Variants in ABCC4 observed in about 807,000 individuals in gnomAD.
The protein encoded by ABCC4 is ATP binding cassette subfamily C member 4 (PEL blood group), also known as ATP-binding cassette sub-family C member 4.
ABCC4 carries 102 observed loss-of-function variants against 168.5 expected under a neutral mutation model. That is an observed-to-expected ratio of 0.61 (90% confidence interval 0.52 to 0.71). The LOEUF is 0.71. ABCC4 is among the 30% of genes least tolerant of loss of function. ABCC4 has a pLI of 0.00. For synonymous variants in ABCC4, 617 were observed against 590.7 expected (o/e 1.04, Z -0.65); for missense variants, 1,402 against 1,605.8 (o/e 0.87, Z 2.17).
At chr13:95,201,684 TG>T (rs1219644551) in intron 8 of ABCC4, among the ~76,000 whole-genome samples, 1 of 152,084 alleles carries the variant, frequency 6.6e-6, no homozygotes, top group Non-Finnish European at 1.5e-5. Context: ...TTAAAGAGTG[TG>T]TGATGGGCCG....
At chr13:95,080,641 T>C (rs1357848956) in intron 21 of ABCC4, among the ~76,000 whole-genome samples, 6 of 152,154 alleles carry the variant, frequency 3.9e-5, no homozygotes, top group Non-Finnish European at 8.8e-5. Context: ...GCCCAGCTAA[T>C]TTTGTATTTT....
chr13:95,238,088 G>C (rs1226388022), intron 3 of ABCC4, among the ~76,000 whole-genome samples: 1 of 151,442 alleles, frequency 6.6e-6, no homozygotes, highest in African/African-American at 2.4e-5. Flanking sequence ...CCAGCTACTG[G>C]GGAGGCTGAG....
In ABCC4 at chr13:95,198,277, C is replaced by G. The variant is rs572443580; in HGVS notation, c.1162-3340G>C. ...ACAAATTTACAAGAAAAAAAACAACCCCATCAAAAAGTGAGCGAAGGATAT... is the reference window on the plus strand; with the variant it reads ...ACAAATTTACAAGAAAAAAAACAACGCCATCAAAAAGTGAGCGAAGGATAT... On this transcript the variant is annotated intron_variant, in intron 8 of 30. Transcript: ENST00000645237. Among the ~76,000 whole-genome samples, 9 of 152,102 alleles carry G rather than the reference C, an allele frequency of 5.9e-5. No homozygotes were observed. In the South Asian group the frequency reaches 1.9e-3, roughly 32 times the overall value.
chr13:95,196,964 G>A (rs1272088325), intron 8 of ABCC4, among the ~76,000 whole-genome samples: 1 of 152,124 alleles, frequency 6.6e-6, no homozygotes, highest in Non-Finnish European at 1.5e-5. Flanking sequence ...AGCACTGACA[G>A]TCACACTCCC....
intron 21 of ABCC4, 114 bp downstream of exon 21, chr13:95,083,026 T>C (rs1350976484): frequency 8.4e-7 from 1 of 1,194,488 alleles, no homozygotes; most frequent in Non-Finnish European, 1.2e-6. Flanking sequence ...AATTACCTAA[T>C]GTTAGAGAAA....
chr13:95,171,324 G>C (rs1234566525), intron 13 of ABCC4, among the ~76,000 whole-genome samples: 1 of 151,902 alleles, frequency 6.6e-6, no homozygotes, highest in Non-Finnish European at 1.5e-5. Context: ...CAAGTTTTCT[G>C]ACGTTTGTTT....
chr13:95,160,997 C>G (rs1313908893), intron 19 of ABCC4, among the ~76,000 whole-genome samples, 192 bp downstream of exon 19: 1 of 149,650 alleles, frequency 6.7e-6, no homozygotes, highest in African/African-American at 2.5e-5. Flanking sequence ...GTATGCCCCC[C>G]CCTCCCCCCG....
chr13:95,037,095 A>AAAAAAC (rs1348391082), intron 29 of ABCC4, among the ~76,000 whole-genome samples: 2 of 150,728 alleles, frequency 1.3e-5, no homozygotes, highest in Non-Finnish European at 2.9e-5. Flanking sequence ...AAAAAAAAAA[A>AAAAAAC]AAAAAAACCC....
Position 95,194,815 on chromosome 13 carries a change from C to A in ABCC4, c.1263+21G>T, listed in dbSNP as rs766331636. 79 of 1,589,660 alleles carry A rather than the reference C, an allele frequency of 5.0e-5. No individual in the cohort carries two copies. In the East Asian group the frequency reaches 1.6e-3, roughly 33 times the overall value. On this transcript the variant is annotated intron_variant, in intron 9 of 30. Transcript: ENST00000645237. ...ACTCATTATCTTCAGCAGTCATGAT[C>A]TTGCATTAAGGATATGTTACCTTAT...
intron 4 of ABCC4, among the ~76,000 whole-genome samples, chr13:95,212,550 C>A (rs926668353): frequency 1.3e-5 from 2 of 152,142 alleles, no homozygotes; most frequent in Non-Finnish European, 2.9e-5. Context: ...CAGATTGTGT[C>A]TGAGGCCAAC....
At chr13:95,191,416 T>G (rs2038247422) in intron 9 of ABCC4, among the ~76,000 whole-genome samples, 1 of 152,222 alleles carries the variant, frequency 6.6e-6, no homozygotes, top group East Asian at 1.9e-4. Context: ...TCATAGGAAT[T>G]ATATAACAAC....
At chr13:95,142,086 G>T (rs1594170804) in intron 19 of ABCC4, among the ~76,000 whole-genome samples, 1 of 152,172 alleles carries the variant, frequency 6.6e-6, no homozygotes, top group Admixed American at 6.5e-5. Flanking sequence ...TCCCACTACT[G>T]GGTATCTACT....
chr13:95,078,587 T>C (rs910979268), intron 21 of ABCC4, among the ~76,000 whole-genome samples: 3 of 152,174 alleles, frequency 2.0e-5, no homozygotes, highest in Admixed American at 1.3e-4. Flanking sequence ...AGGCTGGATG[T>C]TCTGCACAGG....
At chr13:95,062,448 T>A (rs1452303630) in intron 26 of ABCC4, among the ~76,000 whole-genome samples, 1 of 151,474 alleles carries the variant, frequency 6.6e-6, no homozygotes, top group African/African-American at 2.4e-5. Flanking sequence ...AACTGTGGCA[T>A]CTTAGTACAG....
At chr13:95,035,360 C>A (rs1468788775) in intron 29 of ABCC4, among the ~76,000 whole-genome samples, 3 of 152,134 alleles carry the variant, frequency 2.0e-5, no homozygotes, top group African/African-American at 7.2e-5. Flanking sequence ...CTTTATTATT[C>A]CGAGAGAGAA....
At chr13:95,044,501 C>T (rs1169230726) in intron 27 of ABCC4, 63 bp from the exon 28 acceptor site, 1 of 1,469,446 alleles carries the variant, frequency 6.8e-7, no homozygotes, top group Admixed American at 2.1e-5. Context: ...AGTCAAGCCT[C>T]ATAGACATTA....
chr13:95,214,779 C>T lies in ABCC4; in HGVS notation c.532-3998G>A, dbSNP rs941612712. Among the ~76,000 whole-genome samples, 7 of 149,406 alleles carry T rather than the reference C, an allele frequency of 4.7e-5. No homozygotes were observed. The South Asian group carries it at 8.6e-4, about 18-fold the overall frequency. On this transcript the variant is annotated intron_variant, in intron 4 of 30. Transcript: ENST00000645237. ...TGGGCACCTGTAATTCCAGCCACTC[C>T]GGAGGCTCAGGCAGGAAAATCACTT... is the stretch of plus-strand genomic sequence containing the variant.
At chr13:95,166,019 A>G (rs1449740264) in intron 15 of ABCC4, 139 bp downstream of exon 15, 4 of 793,978 alleles carry the variant, frequency 5.0e-6, no homozygotes, top group Admixed American at 2.7e-5. Flanking sequence ...TAATCTACCA[A>G]TATCATGGAA....
intron 13 of ABCC4, among the ~76,000 whole-genome samples, chr13:95,172,185 T>C (rs2037500054): frequency 6.6e-6 from 1 of 152,194 alleles, no homozygotes; most frequent in Non-Finnish European, 1.5e-5. Flanking sequence ...AAAAATACTT[T>C]CCAAATTATT....
Sources: allele counts gnomAD v4.1 joint callset (sites outside exome capture counted in the v4.1 genomes callset), GRCh38; gene constraint gnomAD v4.1.1; transcripts MANE v1.5; gene names NCBI Gene and HGNC (gene_info 2026-07-23, HGNC 2026-07-21).